The following EIPR1 variants were observed in gnomAD, a reference collection of about 807,000 sequenced individuals.
The protein encoded by EIPR1 is EARP and GARP complex-interacting protein 1.
In EIPR1, 25 loss-of-function variants were observed where a neutral mutation model predicts 48.1. The observed-to-expected ratio is 0.52, with a 90% CI of 0.38 to 0.73. EIPR1 has a LOEUF of 0.73. EIPR1 is among the 30% of genes least tolerant of loss of function. EIPR1 has a pLI of 0.00. For synonymous variants in EIPR1, 204 were observed against 201.9 expected, an observed-to-expected ratio of 1.01 and a Z score of -0.09; for missense variants, 415 against 506.2, an observed-to-expected ratio of 0.82 and a Z score of 1.73.
intron 3 of EIPR1, 55 bp from the exon 4 acceptor site, chr2:3,257,510 C>A (rs977142417): frequency 1.9e-5 from 30 of 1,589,526 alleles, no homozygotes; most frequent in Admixed American, 3.4e-5. Context: ...GCCCCGCATT[C>A]TGCAGACAGC....
intron 2 of EIPR1, among the ~76,000 whole-genome samples, chr2:3,349,399 C>T (rs1670499855): frequency 6.6e-6 from 1 of 152,238 alleles, no homozygotes; most frequent in African/African-American, 2.4e-5. Context: ...AGAGTGTGAG[C>T]GCAGGGACTG....
At chr2:3,232,775 G>A (rs147506268) in intron 4 of EIPR1, among the ~76,000 whole-genome samples, 1 of 152,248 alleles carries the variant, frequency 6.6e-6, no homozygotes, top group African/African-American at 2.4e-5. Flanking sequence ...CCCCGTGGAT[G>A]GTTATCTACT....
intron 1 of EIPR1, among the ~76,000 whole-genome samples, chr2:3,356,700 C>T (rs958628485): frequency 2.0e-5 from 3 of 152,166 alleles, no homozygotes; most frequent in African/African-American, 4.8e-5. Context: ...ATTATTTAAT[C>T]GCATGGGTCA....
At chr2:3,372,929 A>G (rs1355176564) in intron 1 of EIPR1, among the ~76,000 whole-genome samples, 1 of 151,896 alleles carries the variant, frequency 6.6e-6, no homozygotes, top group Non-Finnish European at 1.5e-5. Flanking sequence ...CACAACCAAA[A>G]AAGAGAATTT....
intron 4 of EIPR1, among the ~76,000 whole-genome samples, chr2:3,244,680 C>A (rs891219268): frequency 6.6e-6 from 1 of 152,192 alleles, no homozygotes; most frequent in Non-Finnish European, 1.5e-5. Context: ...AGGGGCCTCA[C>A]CAGACACCAA....
At position 3,214,075 on chromosome 2, in the gene EIPR1, C is replaced by T. The variant is rs192942339; in HGVS notation, c.516+74G>A. On this transcript the variant is annotated intron_variant, in intron 5 of 8. Coordinates refer to ENST00000382125, the MANE Select transcript of EIPR1 (RefSeq NM_003310.5). ...CCAAGTGATCTCATTGTTCAATTCC[C>T]ACCTATGAGTGAGAACATGCGGGGT... 1.5e-5 allele frequency: 21 copies of T among 1,393,594 alleles called. No homozygotes were observed. In the East Asian group the frequency reaches 4.4e-4, roughly 30 times the overall value. The allele number at this position is 1,393,594 out of a possible 1,614,324, so 86.3% of individuals were successfully genotyped here. A position where few individuals can be genotyped will look rare whatever the true frequency, so the allele number is the denominator to read the frequency against.
intron 1 of EIPR1, among the ~76,000 whole-genome samples, chr2:3,373,065 G>A (rs1331058710): frequency 6.6e-6 from 1 of 152,168 alleles, no homozygotes; most frequent in Admixed American, 6.6e-5. Flanking sequence ...GGGATACAAG[G>A]CTGGTTCAAT....
chr2:3,359,053 A>G (rs952579446), intron 1 of EIPR1, among the ~76,000 whole-genome samples: 1 of 152,322 alleles, frequency 6.6e-6, no homozygotes, highest in Admixed American at 6.5e-5. Flanking sequence ...CCCTCAGGAA[A>G]CTTGGACTCT....
At position 3,277,347 on chromosome 2, in the gene EIPR1, C is replaced by T. The variant is rs532623590; in HGVS notation, c.260-19892G>A. Among the ~76,000 whole-genome samples the T allele has an allele frequency of 2.6e-5, 4 of 152,280 alleles. No individual in the cohort carries two copies. In the East Asian group the frequency reaches 7.7e-4, roughly 29 times the overall value. ...AACGCATTGAAACTACAACTGGAAA[C>T]GGTAGAGGACATTTCTGGGAATAAT... On this transcript the variant is annotated intron_variant, in intron 3 of 8. Coordinates refer to ENST00000382125, the MANE Select transcript of EIPR1 (RefSeq NM_003310.5).
chr2:3,367,986 A>G (rs1055317134), intron 1 of EIPR1, among the ~76,000 whole-genome samples: 1 of 151,798 alleles, frequency 6.6e-6, no homozygotes, highest in African/African-American at 2.4e-5. Flanking sequence ...CGGAGCTTGC[A>G]GTGAGTTGAG....
intron 4 of EIPR1, among the ~76,000 whole-genome samples, chr2:3,252,882 C>T (rs2103211032): frequency 6.6e-6 from 1 of 152,178 alleles, no homozygotes; most frequent in East Asian, 1.9e-4. Flanking sequence ...CACATTTCCA[C>T]TGTAAATCAG....
chr2:3,353,020 G>A (rs1246554600), intron 2 of EIPR1, among the ~76,000 whole-genome samples: 1 of 152,028 alleles, frequency 6.6e-6, no homozygotes, highest in Non-Finnish European at 1.5e-5. Flanking sequence ...CCAGAAGAAG[G>A]GTGAGTATAG....
chr2:3,294,384 C>T, intron 3 of EIPR1, among the ~76,000 whole-genome samples: 1 of 143,064 alleles, frequency 7.0e-6, no homozygotes, highest in East Asian at 2.1e-4. Flanking sequence ...ATCCTCTCTC[C>T]ACACACACCC....
At chr2:3,294,752 C>A in intron 3 of EIPR1, among the ~76,000 whole-genome samples, 1 of 140,066 alleles carries the variant, frequency 7.1e-6, no homozygotes, top group Admixed American at 7.1e-5. Context: ...TCTCTATACA[C>A]ATGCCTTCCA....
chr2:3,299,603 TTCTC>T (rs141965173), intron 3 of EIPR1, among the ~76,000 whole-genome samples: 102 of 145,378 alleles, frequency 7.0e-4, no homozygotes, highest in African/African-American at 1.7e-3. Context: ...GGAAAATATT[TTCTC>T]TCTCTCTCTC....
At chr2:3,365,059 A>T (rs1437732504) in intron 1 of EIPR1, among the ~76,000 whole-genome samples, 2 of 152,232 alleles carry the variant, frequency 1.3e-5, no homozygotes, top group African/African-American at 4.8e-5. Flanking sequence ...GATTTTTACC[A>T]TCATATAAAT....
At chr2:3,308,008 C>T (rs779969465) in intron 3 of EIPR1, among the ~76,000 whole-genome samples, 2 of 152,186 alleles carry the variant, frequency 1.3e-5, no homozygotes, top group Non-Finnish European at 2.9e-5. Context: ...GGAATGCTCT[C>T]GGCGTCTCCC....
At chr2:3,263,850 T>TCTTA (rs10629310) in intron 3 of EIPR1, among the ~76,000 whole-genome samples, 100,386 of 151,686 alleles carry the variant, frequency 0.66, 33,430 homozygotes, top group East Asian at 0.81. Context: ...CCATTAACTT[T>TCTTA]CTAATTAAAA....
intron 3 of EIPR1, among the ~76,000 whole-genome samples, chr2:3,291,389 G>A (rs1558277500): frequency 1.3e-5 from 2 of 152,138 alleles, no homozygotes; most frequent in Admixed American, 6.5e-5. Flanking sequence ...GTTCTGCAGT[G>A]TACCCAAATC....
Sources: gnomAD v4.1 joint callset for allele counts (sites outside exome capture counted in the v4.1 genomes callset) on GRCh38, gnomAD v4.1.1 for gene constraint, MANE v1.5 for transcripts, NCBI Gene and HGNC (gene_info 2026-07-23, HGNC 2026-07-21) for gene names.